The following TENM1 variants were observed in gnomAD, a reference collection of about 807,000 sequenced individuals.
TENM1 encodes teneurin-1.
Under a neutral mutation model 174.8 loss-of-function variants are expected in TENM1, and 35 were observed. That is an observed-to-expected ratio of 0.20 (90% CI 0.15 to 0.27). The LOEUF (loss-of-function observed/expected upper bound fraction) is 0.27. TENM1 is among the 10% of genes least tolerant of loss of function. TENM1 has a pLI of 1.00. For missense variants in TENM1, 1,633 were observed against 2,130.1 expected, an observed-to-expected ratio of 0.77 and a Z score of 4.59; for synonymous variants, 781 against 798.7, an observed-to-expected ratio of 0.98 and a Z score of 0.37.
chrX:124,491,065 G>A, intron 20 of TENM1, among the ~76,000 whole-genome samples: 1 of 112,263 alleles, frequency 8.9e-6, no homozygotes. Context: ...ACTTGTGAAA[G>A]TTGTCAGGTA....
In TENM1 at chrX:124,932,565, G is replaced by A. The variant is rs183076808; in HGVS notation, c.217+30972C>T. ...AACTGGAGTTCACAGAAGGCAGTGAGCAATATATGTGGAAGTCAGAAGTTG... is the reference window on the plus strand; with the variant it reads ...AACTGGAGTTCACAGAAGGCAGTGAACAATATATGTGGAAGTCAGAAGTTG... On this transcript the variant is annotated intron_variant, in intron 1 of 31. Coordinates refer to ENST00000422452, the Ensembl canonical transcript of TENM1. 2.7e-5 allele frequency among the ~76,000 whole-genome samples: 3 copies of A among 112,340 alleles called. No individual in the cohort carries two copies. The East Asian group carries it at 8.4e-4, about 32-fold the overall frequency.
rs562768129 is a variant in TENM1, at chrX:124,534,975, G to C, written c.2652-4992C>G. Among the ~76,000 whole-genome samples the C allele has an allele frequency of 1.4e-3, 154 of 112,112 alleles. No homozygotes were observed. In the Middle Eastern group the frequency reaches 0.032, roughly 23 times the overall value. ...TCTGAATAGTTAGGACAAAGGGTTT[G>C]TGATGTTCCTGTTACCACTGCCATC... On this transcript the variant is annotated intron_variant, in intron 15 of 31. Coordinates refer to ENST00000422452, the Ensembl canonical transcript of TENM1.
At chrX:124,480,323 TAA>T (rs1317040956) in intron 22 of TENM1, among the ~76,000 whole-genome samples, 1 of 112,343 alleles carries the variant, frequency 8.9e-6, no homozygotes, top group African/African-American at 3.2e-5. Context: ...AGGGGCTTTA[TAA>T]AAGACAAAGG....
At chrX:125,006,363 A>G in the TENM1 span, among the ~76,000 whole-genome samples, 26 of 112,025 alleles carry the variant, frequency 2.3e-4, no homozygotes, top group Non-Finnish European at 4.0e-4. Flanking sequence ...CAGCAGCTCC[A>G]GTGAGGGGCT....
rs367884057 is a variant in TENM1 at position 124,383,664 on chromosome X, T to C, written c.7267A>G (p.Lys2423Glu). ...GTATACTTTGCAACATCTTGAATTTTGCCAACTGGGTAGTTATTTTCAAAG... is the reference window on the plus strand; with the variant it reads ...GTATACTTTGCAACATCTTGAATTTCGCCAACTGGGTAGTTATTTTCAAAG... The change falls in exon 30 of 32, where the codon AAA becomes GAA. Residue 2423 changes from lysine (K) to glutamate (E), a missense_variant. Lys to Glu is a moderately conservative substitution (Grantham distance 56, BLOSUM62 1). Around this residue, in one of 4 missense-constraint regions of TENM1, gnomAD observed 807 missense variants for 1,125.3 expected, o/e 0.72. Transcript: ENST00000422452. 3 of 1,208,271 alleles carry C rather than the reference T, an allele frequency of 2.5e-6. No homozygotes were observed. In the African/African-American group the frequency reaches 5.2e-5, roughly 21 times the overall value.
the TENM1 span, among the ~76,000 whole-genome samples, chrX:125,068,486 C>T: frequency 9.0e-5 from 10 of 111,532 alleles, no homozygotes; most frequent in Non-Finnish European, 3.8e-5. Flanking sequence ...AAATAAAATA[C>T]AATAGATATT....
the TENM1 span, among the ~76,000 whole-genome samples, chrX:125,160,087 C>T: frequency 1.8e-5 from 2 of 108,620 alleles, no homozygotes; most frequent in Admixed American, 9.9e-5. Context: ...GTAATCCCAG[C>T]TACTCGGGAG....
At chrX:124,805,578 G>C in intron 3 of TENM1, among the ~76,000 whole-genome samples, 1 of 112,934 alleles carries the variant, frequency 8.9e-6, no homozygotes, top group Non-Finnish European at 1.9e-5. Flanking sequence ...AACTCAATGT[G>C]TGTCCCTGCT....
At chrX:124,482,094 C>G (rs1419864356) in intron 21 of TENM1, 130 bp from the exon 25 acceptor site, 1 of 423,609 alleles carries the variant, frequency 2.4e-6, no homozygotes, top group Non-Finnish European at 4.2e-6. Flanking sequence ...TCTTAAGTAC[C>G]AAGGAGATGG....
At chrX:124,635,482 A>G (rs1181454012) in intron 11 of TENM1, among the ~76,000 whole-genome samples, 1 of 112,399 alleles carries the variant, frequency 8.9e-6, no homozygotes. Flanking sequence ...AATGCTTCAC[A>G]TCTCTCCAGC....
At chrX:125,158,880 T>C in the TENM1 span, among the ~76,000 whole-genome samples, 8 of 110,459 alleles carry the variant, frequency 7.2e-5, no homozygotes, top group Admixed American at 9.6e-5. Flanking sequence ...TCCAACATAA[T>C]ATTGACAATG....
the TENM1 span, among the ~76,000 whole-genome samples, chrX:124,972,761 C>T: frequency 1.8e-5 from 2 of 111,821 alleles, no homozygotes; most frequent in African/African-American, 3.2e-5. Flanking sequence ...GACTTCTTCT[C>T]CAGAAAATGA....
intron 14 of TENM1, among the ~76,000 whole-genome samples, chrX:124,556,646 T>G (rs1490234121): frequency 1.8e-5 from 2 of 110,728 alleles, no homozygotes; most frequent in African/African-American, 6.6e-5. Flanking sequence ...TTTGCCTCTT[T>G]CTAATTTTTT....
At chrX:124,853,289 C>T (rs1031112577) in intron 3 of TENM1, among the ~76,000 whole-genome samples, 3 of 111,071 alleles carry the variant, frequency 2.7e-5, no homozygotes, top group Non-Finnish European at 5.7e-5. Flanking sequence ...TCACAGAGTA[C>T]GTCATATTTG....
At chrX:124,466,384 G>A (rs183126887) in intron 22 of TENM1, among the ~76,000 whole-genome samples, 165 of 112,141 alleles carry the variant, frequency 1.5e-3, no homozygotes, top group African/African-American at 5.2e-3. Context: ...ACTTCCAGAC[G>A]CCATTGTTAC....
chrX:124,914,918 T>C (rs957341040), intron 1 of TENM1, among the ~76,000 whole-genome samples: 4 of 111,803 alleles, frequency 3.6e-5, no homozygotes, highest in Non-Finnish European at 7.5e-5. Flanking sequence ...CAAAGTCTTA[T>C]GTTATTTGGT....
intron 3 of TENM1, among the ~76,000 whole-genome samples, chrX:124,849,121 T>A (rs1430193490): frequency 9.0e-6 from 1 of 111,441 alleles, no homozygotes; most frequent in Non-Finnish European, 1.9e-5. Flanking sequence ...GGTATTTGCA[T>A]GTTGAATTAG....
chrX:125,022,156 T>C, the TENM1 span, among the ~76,000 whole-genome samples: 2 of 112,247 alleles, frequency 1.8e-5, no homozygotes, highest in Admixed American at 9.5e-5. Flanking sequence ...GCCTCATTTA[T>C]ACTAGTCAAA....
At chrX:124,428,204 G>T (rs2060740149) in intron 23 of TENM1, among the ~76,000 whole-genome samples, 1 of 112,097 alleles carries the variant, frequency 8.9e-6, no homozygotes, top group South Asian at 3.7e-4. Context: ...GCATAAAGGA[G>T]CTCTTGGTCA....
Sources: gnomAD v4.1 joint callset for allele counts (sites outside exome capture counted in the v4.1 genomes callset) on GRCh38, gnomAD v4.1.1 for gene constraint, gnomAD v4.1.1 regional missense constraint, MANE v1.5 for transcripts, NCBI Gene and HGNC (gene_info 2026-07-23, HGNC 2026-07-21) for gene names.